ANKRD39: variants seen among roughly 807,000 people sequenced by gnomAD.
The protein encoded by ANKRD39 is ankyrin repeat domain 39.
A neutral mutation model predicts 20.3 loss-of-function variants in ANKRD39; 18 were observed. That is an observed-to-expected ratio of 0.89 (90% CI 0.61 to 1.32). ANKRD39 has a LOEUF of 1.32. ANKRD39 is among the 40% of genes most tolerant of loss of function. ANKRD39 has a pLI of 0.00. For missense variants in ANKRD39, 243 were observed against 250.7 expected, an observed-to-expected ratio of 0.97 and a Z score of 0.21; for synonymous variants, 106 against 111.9, an observed-to-expected ratio of 0.95 and a Z score of 0.33.
intron 1 of ANKRD39, among the ~76,000 whole-genome samples, chr2:96,855,120 G>A (rs1260140065): frequency 3.9e-5 from 6 of 152,288 alleles, no homozygotes; most frequent in East Asian, 3.9e-4. Flanking sequence ...GTGGCATGGC[G>A]ACAGACAACA....
intron 2 of ANKRD39, among the ~76,000 whole-genome samples, chr2:96,854,092 A>G (rs1456815175): frequency 1.3e-5 from 2 of 152,210 alleles, no homozygotes; most frequent in Non-Finnish European, 2.9e-5. Flanking sequence ...GCATCACTGC[A>G]CTCCAGCCTG....
intron 3 of ANKRD39, among the ~76,000 whole-genome samples, chr2:96,850,409 A>G (rs1048132949): frequency 3.9e-5 from 6 of 152,240 alleles, no homozygotes; most frequent in African/African-American, 1.2e-4. Context: ...TCACGCCTGT[A>G]ATCCCAGAAC....
At chr2:96,851,250 A>C (rs2079835714) in intron 3 of ANKRD39, among the ~76,000 whole-genome samples, 1 of 151,444 alleles carries the variant, frequency 6.6e-6, no homozygotes, top group South Asian at 2.1e-4. Context: ...TCTACCTCCC[A>C]GGTTCAAGTG....
chr2:96,854,898 A>G (rs956452984), intron 1 of ANKRD39, among the ~76,000 whole-genome samples: 1 of 152,232 alleles, frequency 6.6e-6, no homozygotes, highest in African/African-American at 2.4e-5. Context: ...TGCTGGGATT[A>G]CAGGCGTGAG....
Position 96,857,915 on chromosome 2 carries a change from TC to T in ANKRD39, c.72del (p.Thr25ArgfsTer16), listed in dbSNP as rs751102670. Reference protein sequence around the residue: ...SHPSAVLGVQQTLEEMDFERG... With the variant: ...SHPSAVLGVQXTLEEMDFERG... ...CTCTCGAAGTCCATCTCCTCCAGCG[TC>T]TGCTGTACGCCGAGCACCGCGCTGG... is the stretch of plus-strand genomic sequence containing the variant. On this transcript the variant is annotated frameshift_variant, in exon 1 of 4. Coordinates refer to ENST00000393537, the MANE Select transcript of ANKRD39 (RefSeq NM_016466.6). LOFTEE classifies it high-confidence loss of function. 6.3e-7 allele frequency: 1 copy of T among 1,585,048 alleles called. No individual in the cohort carries two copies. Among genetic ancestry groups the T allele is most frequent in the Non-Finnish European group, 8.5e-7 (1 of 1,172,230 alleles).
At position 96,857,973 on chromosome 2, in the gene ANKRD39, C is replaced by T; in HGVS notation, c.15G>A (p.Arg5=). Residue 5 remains arginine (R), a synonymous_variant, in exon 1 of 4, where the codon CGG becomes CGA. Transcript: ENST00000393537. ...AGCAGCAGGGCCCGTCCGCGCAGGG[C>T]CGAGGCGTCGCCATCCCGGCCCCGG... MATP[R]PCADGPCCSH... 1 of 1,543,728 alleles carries T rather than the reference C, an allele frequency of 6.5e-7. No homozygotes were observed. The highest frequency in any genetic ancestry group is 1.4e-5 in the African/African-American group (1 of 71,956).
chr2:96,850,076 G>A (rs2079829560), intron 3 of ANKRD39, among the ~76,000 whole-genome samples: 1 of 152,216 alleles, frequency 6.6e-6, no homozygotes, highest in Non-Finnish European at 1.5e-5. Flanking sequence ...TCTAAACCAG[G>A]TTTGCCTGAA....
chr2:96,850,995 TG>T (rs1559024791), intron 3 of ANKRD39, among the ~76,000 whole-genome samples: 8 of 152,220 alleles, frequency 5.3e-5, no homozygotes, highest in Admixed American at 5.2e-4. Context: ...AAGGCTGCAA[TG>T]TTTTTTTGGG....
At chr2:96,849,006 C>T (rs1438981339) in intron 3 of ANKRD39, among the ~76,000 whole-genome samples, 1 of 152,202 alleles carries the variant, frequency 6.6e-6, no homozygotes, top group Non-Finnish European at 1.5e-5. Context: ...ACATTAAAAA[C>T]AAGTACAGCA....
intron 1 of ANKRD39, among the ~76,000 whole-genome samples, chr2:96,857,593 A>T (rs931794599): frequency 5.3e-5 from 8 of 152,202 alleles, no homozygotes; most frequent in Non-Finnish European, 1.0e-4. Context: ...CAAACACCTG[A>T]GCAGGCTTGT....
chr2:96,853,900 G>A (rs1269117384), intron 2 of ANKRD39, among the ~76,000 whole-genome samples: 1 of 152,252 alleles, frequency 6.6e-6, no homozygotes, highest in African/African-American at 2.4e-5. Context: ...GCCGAGGCAG[G>A]CGGATCACCT....
chr2:96,855,384 G>T (rs1311160244), intron 1 of ANKRD39, among the ~76,000 whole-genome samples: 1 of 152,172 alleles, frequency 6.6e-6, no homozygotes, highest in African/African-American at 2.4e-5. Flanking sequence ...TAGTCAAAGA[G>T]AATTAGTGAT....
At chr2:96,851,975 G>A (rs866341952) in intron 3 of ANKRD39, among the ~76,000 whole-genome samples, 1 of 152,036 alleles carries the variant, frequency 6.6e-6, no homozygotes, top group Non-Finnish European at 1.5e-5. Context: ...CCCAGGTGTC[G>A]AGACGATAGT....
At chr2:96,857,651 C>G (rs1157842541) in intron 1 of ANKRD39, among the ~76,000 whole-genome samples, 5 of 152,266 alleles carry the variant, frequency 3.3e-5, no homozygotes, top group African/African-American at 1.2e-4. Context: ...GTTACGGAAA[C>G]CAGTGCTTCC....
At chr2:96,852,975 C>G (rs1299830518) in intron 3 of ANKRD39, among the ~76,000 whole-genome samples, 3 of 152,136 alleles carry the variant, frequency 2.0e-5, no homozygotes, top group Non-Finnish European at 4.4e-5. Context: ...GGATGAGGAG[C>G]TGGGTGGGAG....
Position 96,848,406 on chromosome 2 carries a change from G to C in ANKRD39, c.447C>G (p.Leu149=). The C allele has an allele frequency of 1.9e-6, 3 of 1,614,200 alleles. No individual in the cohort carries two copies. The highest frequency in any genetic ancestry group is 2.5e-6 in the Non-Finnish European group (3 of 1,180,026). The change falls in exon 4 of 4, where the codon CTC becomes CTG. Residue 149 remains leucine (L), a synonymous_variant. Coordinates refer to ENST00000393537, the MANE Select transcript of ANKRD39 (RefSeq NM_016466.6). ...ERGHGDICSL[L]LQHSPALKAI... is the part of the protein sequence containing the mutation. ...CCTTCAGGGCTGGGCTGTGTTGCAG[G>C]AGGAGGGAGCAGATGTCCCCGTGAC...
At chr2:96,854,904 G>T (rs571058649) in intron 1 of ANKRD39, among the ~76,000 whole-genome samples, 2 of 152,300 alleles carry the variant, frequency 1.3e-5, no homozygotes, top group South Asian at 4.2e-4. Flanking sequence ...GATTACAGGC[G>T]TGAGCCACCG....
At chr2:96,850,563 G>C (rs912380981) in intron 3 of ANKRD39, among the ~76,000 whole-genome samples, 1 of 152,064 alleles carries the variant, frequency 6.6e-6, no homozygotes, top group African/African-American at 2.4e-5. Context: ...TACTTGGGAG[G>C]CTGAGGCAGG....
At chr2:96,855,022 C>T (rs1462070669) in intron 1 of ANKRD39, among the ~76,000 whole-genome samples, 1 of 152,196 alleles carries the variant, frequency 6.6e-6, no homozygotes, top group African/African-American at 2.4e-5. Context: ...AGCACAAAGA[C>T]TGAAAGTTGC....
Sources: gnomAD v4.1 joint callset for allele counts (sites outside exome capture counted in the v4.1 genomes callset) on GRCh38, gnomAD v4.1.1 for gene constraint, MANE v1.5 for transcripts, NCBI Gene and HGNC (gene_info 2026-07-23, HGNC 2026-07-21) for gene names.